RIN2: variants seen among roughly 807,000 people sequenced by gnomAD.
RIN2 encodes Ras and Rab interactor 2.
A neutral mutation model predicts 78.0 loss-of-function variants in RIN2; 36 were observed. The observed-to-expected ratio is 0.46, with a 90% confidence interval of 0.35 to 0.61. The LOEUF (loss-of-function observed/expected upper bound fraction) is 0.61, where lower values mean the gene tolerates loss of function less well. Among genes scored for constraint, RIN2 ranks in the 20% least tolerant of loss-of-function variants. The pLI, the probability that RIN2 is intolerant of heterozygous loss-of-function variation, is 0.00. For missense variants in RIN2, 1,087 were observed against 1,159.7 expected (o/e 0.94, Z 0.91); for synonymous variants, 466 against 466.8 (o/e 1.00, Z 0.02).
intron 6 of RIN2, among the ~76,000 whole-genome samples, chr20:19,963,299 G>T (rs188438221): frequency 8.7e-4 from 132 of 152,200 alleles, no homozygotes; most frequent in African/African-American, 3.0e-3. Flanking sequence ...GGGTGCTACA[G>T]AAATAATAAA....
At chr20:19,783,117 C>T (rs2034563617) in intron 1 of RIN2, among the ~76,000 whole-genome samples, 3 of 152,220 alleles carry the variant, frequency 2.0e-5, no homozygotes, top group Admixed American at 6.5e-5. Context: ...TCCCAGCTCT[C>T]GCTCATCCTG....
intron 1 of RIN2, among the ~76,000 whole-genome samples, chr20:19,792,047 A>T (rs1368987585): frequency 6.6e-6 from 1 of 151,996 alleles, no homozygotes; most frequent in Non-Finnish European, 1.5e-5. Flanking sequence ...GACAAGTGGG[A>T]CTCCTTCCAG....
At position 19,776,324 on chromosome 20, in the gene RIN2, C is replaced by G. The variant is rs116550817; in HGVS notation, c.-163+17997C>G. ...GAGAAACATTTACCATCTCTTCTCT[C>G]TGAAGCTTGCTACCTGGAGGCTTTA... is the stretch of plus-strand genomic sequence containing the variant. On this transcript the variant is annotated intron_variant, in intron 1 of 12. Transcript: ENST00000255006. 3.5e-3 allele frequency among the ~76,000 whole-genome samples: 528 copies of G among 152,342 alleles called. 5 individuals carry two copies. The highest frequency in any genetic ancestry group is 0.012 in the African/African-American group (508 of 41,568).
intron 3 of RIN2, among the ~76,000 whole-genome samples, chr20:19,912,633 C>A (rs1279300422): frequency 6.6e-6 from 1 of 152,074 alleles, no homozygotes; most frequent in East Asian, 1.9e-4. Context: ...CGCCTGCCAC[C>A]ATGCCCAGCT....
chr20:19,885,701 AC>A (rs2038161425), intron 2 of RIN2, among the ~76,000 whole-genome samples: 1 of 151,834 alleles, frequency 6.6e-6, no homozygotes, highest in Non-Finnish European at 1.5e-5. Flanking sequence ...AAAAAAAAAA[AC>A]GAAAAGAAAA....
rs2040591519 is a variant in RIN2, at chr20:19,935,209, GAC to G, written c.158+13_158+14del. On this transcript the variant is annotated intron_variant, in intron 4 of 12. Coordinates refer to ENST00000255006, the MANE Select transcript of RIN2 (RefSeq NM_018993.4). ...CCGCTGAAACCCACAGGTGACCAGA[GAC>G]ACGGTTAGGTGATGGGTGCGAGAAA... 3.8e-6 allele frequency: 6 copies of G among 1,586,778 alleles called. No homozygotes were observed. Among genetic ancestry groups the G allele is most frequent in the Non-Finnish European group, 5.1e-6 (6 of 1,166,104 alleles).
In RIN2 at chr20:19,849,758, G is replaced by A. The variant is rs1426097306; in HGVS notation, c.-36-39808G>A. On this transcript the variant is annotated intron_variant, in intron 2 of 12. Transcript: ENST00000255006. ...ATAGTTTTAAAAGGAAGAATTTTAA[G>A]TCTGCCAAGAGCCAGATAATGGCAT... Among the ~76,000 whole-genome samples, 3 of 152,184 alleles carry A rather than the reference G, an allele frequency of 2.0e-5. No individual in the cohort carries two copies. The South Asian group carries it at 6.2e-4, about 31-fold the overall frequency.
At chr20:19,886,840 G>T in intron 2 of RIN2, 4 of 1,028,252 alleles carry the variant, frequency 3.9e-6, no homozygotes, top group Non-Finnish European at 5.7e-6. Context: ...TGAAGCTGCT[G>T]GGGTGACATC....
intron 2 of RIN2, among the ~76,000 whole-genome samples, chr20:19,812,425 G>A (rs2035632842): frequency 6.6e-6 from 1 of 151,368 alleles, no homozygotes; most frequent in Admixed American, 6.6e-5. Context: ...ATGTGTTGTG[G>A]CATCTTATTG....
intron 2 of RIN2, among the ~76,000 whole-genome samples, chr20:19,863,870 G>A (rs1332455400): frequency 2.0e-5 from 3 of 152,004 alleles, no homozygotes; most frequent in Admixed American, 6.6e-5. Context: ...CCCATCCTGT[G>A]TTCATCTTCA....
At chr20:19,822,391 C>T (rs2035951345) in intron 2 of RIN2, among the ~76,000 whole-genome samples, 1 of 152,022 alleles carries the variant, frequency 6.6e-6, no homozygotes, top group Admixed American at 6.6e-5. Context: ...GAGGGTGGAT[C>T]GACAGAATAG....
At chr20:19,934,796 C>A (rs2040568000) in intron 3 of RIN2, among the ~76,000 whole-genome samples, 1 of 151,956 alleles carries the variant, frequency 6.6e-6, no homozygotes, top group Non-Finnish European at 1.5e-5. Context: ...AGAAAGCTAA[C>A]TGGGTGTTAT....
At chr20:19,804,895 A>G (rs1568767504) in intron 2 of RIN2, among the ~76,000 whole-genome samples, 1 of 152,140 alleles carries the variant, frequency 6.6e-6, no homozygotes, top group East Asian at 1.9e-4. Context: ...TAGGCTATTT[A>G]TGACTCCCTC....
chr20:19,802,729 T>A (rs769242832), intron 2 of RIN2, among the ~76,000 whole-genome samples: 3 of 152,118 alleles, frequency 2.0e-5, no homozygotes, highest in Non-Finnish European at 2.9e-5. Context: ...CTTGACTGAG[T>A]CCTGAAGGCC....
intron 2 of RIN2, among the ~76,000 whole-genome samples, chr20:19,884,173 T>G (rs1158626364): frequency 6.6e-6 from 1 of 151,654 alleles, no homozygotes; most frequent in Admixed American, 6.6e-5. Context: ...TCCCAGCACT[T>G]TGGGAAGCCA....
At chr20:19,795,105 C>A (rs116071972) in intron 1 of RIN2, among the ~76,000 whole-genome samples, 1 of 152,122 alleles carries the variant, frequency 6.6e-6, no homozygotes, top group Non-Finnish European at 1.5e-5. Context: ...TGTACACATG[C>A]GGTGACACTG....
At chr20:19,912,980 A>G (rs1247206859) in intron 3 of RIN2, among the ~76,000 whole-genome samples, 1 of 152,220 alleles carries the variant, frequency 6.6e-6, no homozygotes, top group Non-Finnish European at 1.5e-5. Context: ...GCATGGGTCC[A>G]GAGAAAGTGC....
chr20:19,926,599 T>C (rs1361938152), intron 3 of RIN2, among the ~76,000 whole-genome samples: 11 of 152,046 alleles, frequency 7.2e-5, no homozygotes, highest in Non-Finnish European at 1.6e-4. Context: ...GTTTGGGTAA[T>C]GCGGTTTTTT....
chr20:19,893,006 G>A (rs2038552755), intron 3 of RIN2, among the ~76,000 whole-genome samples: 1 of 152,162 alleles, frequency 6.6e-6, no homozygotes, highest in Non-Finnish European at 1.5e-5. Context: ...TAACCTCATG[G>A]AGCTTTCAGT....
Sources: gnomAD v4.1 joint callset for allele counts (sites outside exome capture counted in the v4.1 genomes callset) on GRCh38, gnomAD v4.1.1 for gene constraint, MANE v1.5 for transcripts, NCBI Gene and HGNC (gene_info 2026-07-23, HGNC 2026-07-21) for gene names.